Variants in DPP10 observed in about 807,000 individuals in gnomAD.
DPP10 encodes inactive dipeptidyl peptidase 10.
In DPP10, 33 loss-of-function variants were observed where a neutral mutation model predicts 120.9. The observed-to-expected ratio is 0.27, with a 90% confidence interval of 0.21 to 0.37. The LOEUF (loss-of-function observed/expected upper bound fraction) is 0.37. Ranked by LOEUF, DPP10 falls within the 10% of genes least tolerant of loss-of-function variation. DPP10 has a pLI of 1.00. For missense variants in DPP10, 816 were observed against 942.8 expected (o/e 0.87, Z 1.76); for synonymous variants, 337 against 326.1 (o/e 1.03, Z -0.36).
At chr2:114,557,103 A>G (rs897474443) in intron 1 of DPP10, among the ~76,000 whole-genome samples, 2 of 151,770 alleles carry the variant, frequency 1.3e-5, no homozygotes, top group Admixed American at 6.6e-5. Flanking sequence ...TTATAGAACA[A>G]TATGTAATCA....
At chr2:114,928,944 C>A (rs949984387) in intron 1 of DPP10, among the ~76,000 whole-genome samples, 1 of 152,126 alleles carries the variant, frequency 6.6e-6, no homozygotes, top group African/African-American at 2.4e-5. Context: ...GGGAACCAGC[C>A]CCCAATATTT....
At chr2:114,734,541 C>T (rs1677233301) in intron 1 of DPP10, among the ~76,000 whole-genome samples, 1 of 152,098 alleles carries the variant, frequency 6.6e-6, no homozygotes, top group South Asian at 2.1e-4. Context: ...TGTTTCATGC[C>T]TCCCTGAAAT....
intron 1 of DPP10, among the ~76,000 whole-genome samples, chr2:114,801,167 G>A (rs1329230021): frequency 6.6e-6 from 1 of 151,470 alleles, no homozygotes; most frequent in African/African-American, 2.4e-5. Context: ...GGAGGCTGAG[G>A]CAGGAGAATG....
At chr2:115,162,145 G>T (rs941364673) in intron 1 of DPP10, 7 of 1,528,204 alleles carry the variant, frequency 4.6e-6, no homozygotes, top group Non-Finnish European at 6.2e-6. Context: ...ACCCTCCCCC[G>T]CCCCGCCCCA....
Position 115,739,963 on chromosome 2 carries a change from T to C in DPP10, c.852+70T>C. Reference sequence around the variant, plus strand: ...ACTAGTGACTTGACAGATGGTATTCTTGGTTCTTGAACAAGTTGTCTTTGG... The same window carrying C: ...ACTAGTGACTTGACAGATGGTATTCCTGGTTCTTGAACAAGTTGTCTTTGG... On this transcript the variant is annotated intron_variant, in intron 9 of 25. Transcript: ENST00000410059. 2.6e-6 allele frequency: 4 copies of C among 1,531,114 alleles called. No homozygotes were observed. In the South Asian group the frequency reaches 4.7e-5, roughly 18 times the overall value. 94.8% of individuals were successfully genotyped at this position (1,531,114 alleles called of 1,614,324 possible).
At position 115,545,377 on chromosome 2, in the gene DPP10, T is replaced by C. The variant is rs540642763; in HGVS notation, c.441+19405T>C. Among the ~76,000 whole-genome samples the C allele has an allele frequency of 2.0e-5, 3 of 152,230 alleles. No homozygotes were observed. In the South Asian group the frequency reaches 6.2e-4, roughly 32 times the overall value. On this transcript the variant is annotated intron_variant, in intron 5 of 25. Coordinates refer to ENST00000410059, the MANE Select transcript of DPP10 (RefSeq NM_020868.6). ...TTCATTTGAAGAGTTCACAGTGTAGTTGGGAAAATTTGTATAAATAGAAGA... is the reference window on the plus strand; with the variant it reads ...TTCATTTGAAGAGTTCACAGTGTAGCTGGGAAAATTTGTATAAATAGAAGA...
At chr2:114,955,987 C>T (rs1342223930) in intron 1 of DPP10, among the ~76,000 whole-genome samples, 1 of 152,126 alleles carries the variant, frequency 6.6e-6, no homozygotes, top group Non-Finnish European at 1.5e-5. Context: ...CAGCTAACAT[C>T]ATCAAACTAA....
chr2:115,519,627 A>G (rs2077689738), intron 4 of DPP10, among the ~76,000 whole-genome samples: 1 of 152,228 alleles, frequency 6.6e-6, no homozygotes, highest in Non-Finnish European at 1.5e-5. Context: ...CTTTGTTTAC[A>G]GCTAAATTAT....
intron 8 of DPP10, among the ~76,000 whole-genome samples, chr2:115,728,777 T>C (rs1203520160): frequency 6.6e-6 from 1 of 152,196 alleles, no homozygotes; most frequent in Non-Finnish European, 1.5e-5. Flanking sequence ...TCATTCACTC[T>C]TTCACTCAAA....
intron 1 of DPP10, among the ~76,000 whole-genome samples, chr2:115,035,108 A>G (rs6711971): frequency 0.41 from 62,821 of 152,144 alleles, 13,180 homozygotes; most frequent in South Asian, 0.55. Flanking sequence ...TCTCAACCCT[A>G]AGACTGACCA....
intron 7 of DPP10, among the ~76,000 whole-genome samples, chr2:115,703,282 A>G (rs1171310104): frequency 1.3e-5 from 2 of 151,974 alleles, no homozygotes; most frequent in Non-Finnish European, 2.9e-5. Flanking sequence ...TACTTACATT[A>G]CAAATGAAAG....
At chr2:114,497,843 G>A (rs957818578) in intron 1 of DPP10, among the ~76,000 whole-genome samples, 10 of 152,162 alleles carry the variant, frequency 6.6e-5, no homozygotes, top group African/African-American at 2.4e-4. Context: ...CCAACAAAGT[G>A]GGAGGCACAG....
intron 9 of DPP10, among the ~76,000 whole-genome samples, chr2:115,743,640 T>G (rs1465981154): frequency 7.1e-6 from 1 of 141,116 alleles, no homozygotes; most frequent in Non-Finnish European, 1.5e-5. Context: ...TTTACATAAA[T>G]CTTTTTATTA....
rs553033688 is a variant in DPP10 at position 114,649,001 on chromosome 2, G to A, written c.60+206163G>A. On this transcript the variant is annotated intron_variant, in intron 1 of 25. Transcript: ENST00000410059. Reference sequence around the variant, plus strand: ...TTAAGGGTGGAAAAGCACAACTAACGTGGGCATTAGTGCTATAAAGCCACT... The same window carrying A: ...TTAAGGGTGGAAAAGCACAACTAACATGGGCATTAGTGCTATAAAGCCACT... Among the ~76,000 whole-genome samples the A allele has an allele frequency of 3.9e-5, 6 of 152,288 alleles. 1 individual carries two copies. The highest frequency in any genetic ancestry group is 2.0e-4 in the Admixed American group (3 of 15,294).
intron 1 of DPP10, among the ~76,000 whole-genome samples, chr2:115,071,584 T>A (rs11896753): frequency 1.3e-5 from 2 of 152,052 alleles, no homozygotes; most frequent in East Asian, 1.9e-4. Context: ...GGTGAGTTTC[T>A]GTTCCTTCCT....
At chr2:114,749,553 A>ATTTTATTTTATTTTG (rs772888549) in intron 1 of DPP10, among the ~76,000 whole-genome samples, 1 of 130,034 alleles carries the variant, frequency 7.7e-6, no homozygotes, top group East Asian at 2.3e-4. Flanking sequence ...CACTGCTTTT[A>ATTTTATTTTATTTTG]TTTTATTTTA....
At position 115,652,409 on chromosome 2, in the gene DPP10, A is replaced by ATGTG. The variant is rs71394158; in HGVS notation, c.442-37248_442-37245dup. ...GAGAAAGAAAACCAATAGGATATAT[A>ATGTG]TGTGTGTGTGTGTGTGTGTGTGTGT... On this transcript the variant is annotated intron_variant, in intron 5 of 25. Coordinates refer to ENST00000410059, the MANE Select transcript of DPP10 (RefSeq NM_020868.6). Among the ~76,000 whole-genome samples the ATGTG allele has an allele frequency of 6.0e-3, 875 of 145,564 alleles. 3 individuals carry two copies. Among genetic ancestry groups the ATGTG allele is most frequent in the Admixed American group, 9.0e-3 (131 of 14,606 alleles).
chr2:115,605,711 C>G (rs1255659757), intron 5 of DPP10, among the ~76,000 whole-genome samples: 1 of 152,068 alleles, frequency 6.6e-6, no homozygotes, highest in Admixed American at 6.6e-5. Flanking sequence ...TACTCTCTCT[C>G]TCTCTTTTTT....
chr2:115,306,896 A>G (rs938913752), intron 1 of DPP10, among the ~76,000 whole-genome samples: 7 of 152,130 alleles, frequency 4.6e-5, no homozygotes, highest in African/African-American at 1.7e-4. Flanking sequence ...TTTCCCAAAT[A>G]AAAAGTATTG....
Sources: gnomAD v4.1 joint callset for allele counts (sites outside exome capture counted in the v4.1 genomes callset) on GRCh38, gnomAD v4.1.1 for gene constraint, MANE v1.5 for transcripts, NCBI Gene and HGNC (gene_info 2026-07-23, HGNC 2026-07-21) for gene names.